PAIP1: variants seen among roughly 807,000 people sequenced by gnomAD.
The protein encoded by PAIP1 is polyadenylate-binding protein-interacting protein 1.
Under a neutral mutation model 61.3 loss-of-function variants are expected in PAIP1, and 16 were observed. That is an observed-to-expected ratio of 0.26 (90% confidence interval 0.18 to 0.40). The LOEUF is 0.40. Among genes scored for constraint, PAIP1 ranks in the 10% least tolerant of loss-of-function variants. The pLI, the probability that PAIP1 is intolerant of heterozygous loss-of-function variation, is 1.00. For synonymous variants in PAIP1, 187 were observed against 226.2 expected (o/e 0.83, Z 1.56); for missense variants, 416 against 600.9 (o/e 0.69, Z 3.22).
intron 5 of PAIP1, among the ~76,000 whole-genome samples, chr5:43,538,688 A>T (rs1260578049): frequency 6.6e-6 from 1 of 152,242 alleles, no homozygotes; most frequent in Non-Finnish European, 1.5e-5. Context: ...GCTTCCTAAA[A>T]GTACGCAGAT....
chr5:43,545,892 C>A (rs776391186), intron 3 of PAIP1, among the ~76,000 whole-genome samples: 1 of 151,980 alleles, frequency 6.6e-6, no homozygotes, highest in Non-Finnish European at 1.5e-5. Flanking sequence ...GCCTCAGCCT[C>A]CCGAGTAGCT....
At chr5:43,556,466 G>T in intron 1 of PAIP1, 116 bp downstream of exon 1, 1 of 1,201,662 alleles carries the variant, frequency 8.3e-7, no homozygotes, top group Non-Finnish European at 1.0e-6. Flanking sequence ...CTCGGGGAAT[G>T]CTTTCGGGGA....
chr5:43,551,509 A>G (rs956671190), intron 2 of PAIP1, among the ~76,000 whole-genome samples: 1 of 152,242 alleles, frequency 6.6e-6, no homozygotes, highest in African/African-American at 2.4e-5. Context: ...ATAATTGTAC[A>G]CATTCATATA....
intron 2 of PAIP1, among the ~76,000 whole-genome samples, chr5:43,551,526 G>A (rs1747866652): frequency 6.6e-6 from 1 of 152,138 alleles, no homozygotes; most frequent in Admixed American, 6.6e-5. Context: ...TATACTTAAT[G>A]TTAACTACAT....
At position 43,556,842 on chromosome 5, in the gene PAIP1, G is replaced by C; in HGVS notation, c.5C>G (p.Ser2Trp). The C allele has an allele frequency of 6.9e-7, 1 of 1,438,854 alleles. No individual in the cohort carries two copies. The highest frequency in any genetic ancestry group is 9.1e-7 in the Non-Finnish European group (1 of 1,098,014). 89.1% of individuals were successfully genotyped at this position (1,438,854 alleles called of 1,614,324 possible). The change falls in exon 1 of 11, where the codon TCG (serine) becomes TGG (tryptophan). Residue 2 changes from serine (S) to tryptophan (W), a missense_variant. By Grantham distance (177) the Ser-to-Trp change is radical. This residue lies in a region of PAIP1 where 97 missense variants were observed against 89.5 expected (regional missense o/e 1.08). Coordinates refer to ENST00000306846, the MANE Select transcript of PAIP1 (RefSeq NM_006451.5). Reference sequence around the variant, plus strand: ...ACCTGGGGCCCGATCGAAACCGTCCGACATGCTCCTCCTCCTCCGCCTCCT... The same window carrying C: ...ACCTGGGGCCCGATCGAAACCGTCCCACATGCTCCTCCTCCTCCGCCTCCT... M[S>W]DGFDRAPGAG...
In PAIP1 at chr5:43,543,112, G is replaced by A. The variant is rs950869337; in HGVS notation, c.626C>T (p.Thr209Ile). 5 of 1,564,864 alleles carry A rather than the reference G, an allele frequency of 3.2e-6. No homozygotes were observed. The highest frequency in any genetic ancestry group is 4.4e-6 in the Non-Finnish European group (5 of 1,136,732). Residue 209 changes from threonine (T) to isoleucine (I), a missense_variant, in exon 4 of 11, where the codon ACA (threonine) becomes ATA (isoleucine). Physicochemically the swap from Thr to Ile is moderately conservative, Grantham distance 89. Around this residue, in one of 4 missense-constraint regions of PAIP1, gnomAD observed 180 missense variants for 211.2 expected, o/e 0.85. Coordinates refer to ENST00000306846, the MANE Select transcript of PAIP1 (RefSeq NM_006451.5). The stretch of plus-strand genomic sequence containing the variant: ...CATATAAGAGAAATTTGGGATAGAT[G>A]TGGCCTTTTAAAAAGAAGAAAAGTG... ...ELVELIYQQA[T>I]SIPNFSYMGA...
At chr5:43,527,808 A>G (rs957695387) in intron 10 of PAIP1, among the ~76,000 whole-genome samples, 25 of 152,322 alleles carry the variant, frequency 1.6e-4, no homozygotes, top group Middle Eastern at 3.4e-3. Context: ...CCTTACCAAC[A>G]AACAATTAGA....
intron 2 of PAIP1, among the ~76,000 whole-genome samples, chr5:43,554,630 T>C (rs927589158): frequency 3.3e-5 from 5 of 151,994 alleles, no homozygotes; most frequent in African/African-American, 1.2e-4. Context: ...ATAAGGGAAA[T>C]ATAAATTAAA....
chr5:43,551,308 A>C (rs1166595310), intron 2 of PAIP1, among the ~76,000 whole-genome samples: 1 of 152,210 alleles, frequency 6.6e-6, no homozygotes, highest in Non-Finnish European at 1.5e-5. Flanking sequence ...TTTATGTACA[A>C]AGATGTTCAT....
chr5:43,532,675 G>GA (rs1182584262), intron 9 of PAIP1, among the ~76,000 whole-genome samples: 1 of 152,088 alleles, frequency 6.6e-6, no homozygotes, highest in Non-Finnish European at 1.5e-5. Context: ...AAAATGCAAA[G>GA]ACAGGCAAAT....
intron 3 of PAIP1, 115 bp downstream of exon 3, chr5:43,547,613 A>T: frequency 1.5e-6 from 1 of 665,848 alleles, no homozygotes; most frequent in Non-Finnish European, 2.6e-6. Context: ...GGAAACTATA[A>T]AGAGTAAGTG....
At chr5:43,531,700 G>GAAAAAAAAAAA (rs1746948387) in intron 9 of PAIP1, among the ~76,000 whole-genome samples, 1 of 130,076 alleles carries the variant, frequency 7.7e-6, no homozygotes, top group Non-Finnish European at 1.7e-5. Flanking sequence ...AAAGTGTGTG[G>GAAAAAAAAAAA]AAAGAGCACA....
chr5:43,555,939 G>T lies in PAIP1; in HGVS notation c.326C>A (p.Ser109Ter). The T allele has an allele frequency of 6.2e-7, 1 of 1,614,008 alleles. No individual in the cohort carries two copies. Among genetic ancestry groups the T allele is most frequent in the Non-Finnish European group, 8.5e-7 (1 of 1,179,920 alleles). Reference sequence around the variant, plus strand: ...CTGGGGCTTAGCCATTGCTGACTCCGAGTTCTGCTGTGGGATTTTATCCTG... The same window carrying T: ...CTGGGGCTTAGCCATTGCTGACTCCTAGTTCTGCTGTGGGATTTTATCCTG... ...SSQDKIPQQN[S>*]ESAMAKPQVV... is the part of the protein sequence containing the mutation. Residue 109 changes from serine to a stop codon, truncating the protein, a stop_gained, in exon 2 of 11, where the codon TCG (serine) becomes TAG (stop). Transcript: ENST00000306846. LOFTEE classifies it high-confidence loss of function.
In PAIP1 at chr5:43,531,106, G is replaced by A. The variant is rs180819960; in HGVS notation, c.1253-1227C>T. 4.7e-3 allele frequency among the ~76,000 whole-genome samples: 715 copies of A among 152,168 alleles called. 5 individuals are homozygous for A. Among genetic ancestry groups the A allele is most frequent in the African/African-American group, 0.015 (643 of 41,526 alleles). On this transcript the variant is annotated intron_variant, in intron 9 of 10. Transcript: ENST00000306846. ...CATGTCTGCCTGGGTTTGGAATAGG[G>A]ACAGAGCACTTTGTAGAAATTGGTG... is the stretch of plus-strand genomic sequence containing the variant.
chr5:43,532,433 A>T (rs1746979640), intron 9 of PAIP1, among the ~76,000 whole-genome samples: 1 of 152,204 alleles, frequency 6.6e-6, no homozygotes, highest in South Asian at 2.1e-4. Context: ...GAAAGGAAGG[A>T]TGGCTTAATA....
intron 10 of PAIP1, 145 bp from the exon 11 acceptor site, chr5:43,527,614 C>A: frequency 1.6e-6 from 1 of 620,512 alleles, no homozygotes; most frequent in Non-Finnish European, 2.5e-6. Context: ...ACATTAATGG[C>A]AGTCTTCGGA....
intron 10 of PAIP1, 126 bp downstream of exon 10, chr5:43,529,660 G>C (rs1364836176): frequency 1.5e-6 from 1 of 682,100 alleles, no homozygotes; most frequent in East Asian, 2.5e-5. Flanking sequence ...CCAAAGTGTT[G>C]GGATTACAGG....
At chr5:43,545,904 G>A (rs1747617738) in intron 3 of PAIP1, among the ~76,000 whole-genome samples, 1 of 151,876 alleles carries the variant, frequency 6.6e-6, no homozygotes, top group Admixed American at 6.6e-5. Context: ...CGAGTAGCTG[G>A]GATCACAGGC....
intron 4 of PAIP1, among the ~76,000 whole-genome samples, chr5:43,542,606 G>A (rs899542874): frequency 6.6e-6 from 1 of 151,184 alleles, no homozygotes; most frequent in African/African-American, 2.4e-5. Flanking sequence ...CAGAATAAGT[G>A]ATAAATGGAA....
Sources: gnomAD v4.1 joint callset for allele counts (sites outside exome capture counted in the v4.1 genomes callset) on GRCh38, gnomAD v4.1.1 for gene constraint, gnomAD v4.1.1 regional missense constraint, MANE v1.5 for transcripts, NCBI Gene and HGNC (gene_info 2026-07-23, HGNC 2026-07-21) for gene names.